BHLHE41: variants seen among roughly 807,000 people sequenced by gnomAD.
BHLHE41 encodes the protein class E basic helix-loop-helix protein 41.
A neutral mutation model predicts 24.0 loss-of-function variants in BHLHE41; 14 were observed. The ratio of observed to expected loss-of-function variants is 0.58; its 90% CI spans 0.39 to 0.91. The LOEUF is 0.91. Ranked by LOEUF, BHLHE41 falls within the 40% of genes least tolerant of loss-of-function variation. The probability of loss-of-function intolerance (pLI) is 0.00; values close to 1 mark genes in which losing one functional copy is unlikely to be tolerated. For synonymous variants in BHLHE41, 394 were observed against 315.5 expected (o/e 1.25, Z -2.64); for missense variants, 674 against 655.4 (o/e 1.03, Z -0.31).
rs1295034741 is a variant in BHLHE41, at chr12:26,122,174, C to T, written c.1341G>A (p.Gln447=). Residue 447 remains glutamine, a synonymous_variant, in exon 5 of 5, where the codon CAG becomes CAA. Coordinates refer to ENST00000242728, the MANE Select transcript of BHLHE41 (RefSeq NM_030762.3). ...GCAGGTGGGTGCGGCCGTGCGGGTG[C>T]TGGGGGTGCGGCGCCCCAAGGGGCG... ...EVAPLGAPHP[Q]HPHGRTHLPF... The T allele has an allele frequency of 9.3e-6, 14 of 1,507,466 alleles. No individual in the cohort carries two copies. Among genetic ancestry groups the T allele is most frequent in the South Asian group, 3.8e-5 (3 of 78,416 alleles). The allele number at this position is 1,507,466 out of a possible 1,614,324, so 93.4% of individuals were successfully genotyped here.
chr12:26,124,460 C>G (rs544091746), intron 2 of BHLHE41, 59 bp downstream of exon 2: 1 of 1,543,118 alleles, frequency 6.5e-7, no homozygotes, highest in Admixed American at 1.7e-5. Context: ...ACTGTGAAAT[C>G]AATGGCTCTA....
chr12:26,124,939 C>T lies in BHLHE41; in HGVS notation c.-160G>A. 1.3e-6 allele frequency: 1 copy of T among 758,056 alleles called. No homozygotes were observed. Among genetic ancestry groups the T allele is most frequent in the Non-Finnish European group, 2.3e-6 (1 of 433,440 alleles). 47.0% of individuals were successfully genotyped at this position (758,056 alleles called of 1,614,324 possible). ...TGTTGAAAGTGTGAAGCAGTTGGTC[C>T]CCCCCCTCCACCGCGCTCGCACACA... On this transcript the variant is annotated 5_prime_UTR_variant, in exon 1 of 5. Coordinates refer to ENST00000242728, the MANE Select transcript of BHLHE41 (RefSeq NM_030762.3).
chr12:26,124,267 C>T (rs1944342652), intron 2 of BHLHE41, 88 bp from the exon 3 acceptor site: 2 of 641,632 alleles, frequency 3.1e-6, no homozygotes, highest in Non-Finnish European at 2.6e-6. Flanking sequence ...CCCCCGCCCC[C>T]CCACCATAAA....
Position 26,122,611 on chromosome 12 carries a change from CTGCCGCCGCCGCCGCGCCGCCCCCCG to C in BHLHE41, c.878_903del (p.Pro293ArgfsTer198). ...GCAGGGTCGGGCCCCAGAAGCGCGG[CTGCCGCCGCCGCCGCGCCGCCCCCCG>C]GGCCGCCGCCGCTGCCGCCGCCGCG... On this transcript the variant is annotated frameshift_variant, in exon 5 of 5. Coordinates refer to ENST00000242728, the MANE Select transcript of BHLHE41 (RefSeq NM_030762.3). LOFTEE classifies it low-confidence loss of function (END_TRUNC). The C allele has an allele frequency of 1.8e-6, 2 of 1,136,964 alleles. No individual in the cohort carries two copies. The highest frequency in any genetic ancestry group is 2.1e-6 in the Non-Finnish European group (2 of 932,458). The allele number at this position is 1,136,964 out of a possible 1,614,324, so 70.4% of individuals were successfully genotyped here.
Position 26,122,731 on chromosome 12 carries a change from G to T in BHLHE41, c.784C>A (p.Arg262Ser). ...REKGKGAGAS[R>S]VTIKQEPPGE... ...GGAGGCTCCTGCTTGATGGTGACGC[G>T]GCTCGCCCCCGCGCCTTTGCCTTTC... Residue 262 changes from arginine (R) to serine (S), a missense_variant, in exon 5 of 5, where the codon CGC (arginine) becomes AGC (serine). Arg to Ser is a moderately radical substitution (Grantham distance 110, BLOSUM62 -1). This residue lies in a region of BHLHE41 where 602 missense variants were observed against 570.8 expected (regional missense o/e 1.05). Transcript: ENST00000242728. The T allele has an allele frequency of 1.3e-6, 2 of 1,591,298 alleles. No homozygotes were observed. The highest frequency in any genetic ancestry group is 2.3e-5 in the East Asian group (1 of 42,580).
In BHLHE41 at chr12:26,121,921, T is replaced by G; in HGVS notation, c.*145A>C. 1 of 1,530,430 alleles carries G rather than the reference T, an allele frequency of 6.5e-7. No individual in the cohort carries two copies. The highest frequency in any genetic ancestry group is 8.8e-7 in the Non-Finnish European group (1 of 1,138,410). 94.8% of individuals were successfully genotyped at this position (1,530,430 alleles called of 1,614,324 possible). A position where few individuals can be genotyped will look rare whatever the true frequency, so the allele number is the denominator to read the frequency against. ...GTACACATAACACCTGTTTTGTTGTTCTTGTTTATGCCTGTCGTGCATCTA... is the reference window on the plus strand; with the variant it reads ...GTACACATAACACCTGTTTTGTTGTGCTTGTTTATGCCTGTCGTGCATCTA... On this transcript the variant is annotated 3_prime_UTR_variant, in exon 5 of 5. Coordinates refer to ENST00000242728, the MANE Select transcript of BHLHE41 (RefSeq NM_030762.3).
rs1240022976 is a variant in BHLHE41, at chr12:26,122,899, G to T, written c.616C>A (p.Arg206Ser). 2 of 1,548,358 alleles carry T rather than the reference G, an allele frequency of 1.3e-6. No homozygotes were observed. The highest frequency in any genetic ancestry group is 2.0e-5 in the Admixed American group (1 of 50,928). The change falls in exon 5 of 5, where the codon CGC becomes AGC. Residue 206 changes from arginine to serine, a missense_variant. Physicochemically the swap from Arg to Ser is moderately radical, Grantham distance 110. Around this residue, in one of 3 missense-constraint regions of BHLHE41, gnomAD observed 602 missense variants for 570.8 expected, o/e 1.05. Transcript: ENST00000242728. ...AGGGGCTCCAGCTTCTGCCCCGCGC[G>T]CTCCAGGCAGGGGGCGGCCGCGGAC... Reference protein sequence around the residue: ...AGSAAAPCLERAGQKLEPLAY... With the variant: ...AGSAAAPCLESAGQKLEPLAY...
chr12:26,122,330 C>T lies in BHLHE41; in HGVS notation c.1185G>A (p.Pro395=). ...FPLLYPGIPA[P]AAAAAAAAAA... is the part of the protein sequence containing the mutation. ...CGGCGGCGGCTGCCGCGGCTGCCGC[C>T]GGGGCGGGGATGCCGGGGTATAGCA... The change falls in exon 5 of 5, where the codon CCG becomes CCA. Residue 395 remains proline (P), a synonymous_variant. Coordinates refer to ENST00000242728, the MANE Select transcript of BHLHE41 (RefSeq NM_030762.3). The T allele has an allele frequency of 8.5e-7, 1 of 1,171,680 alleles. No homozygotes were observed. The allele number at this position is 1,171,680 out of a possible 1,614,324, so 72.6% of individuals were successfully genotyped here. A position where few individuals can be genotyped will look rare whatever the true frequency, so the allele number is the denominator to read the frequency against.
rs1372877299 is a variant in BHLHE41, at chr12:26,121,090, A to G, written c.*976T>C. On this transcript the variant is annotated 3_prime_UTR_variant, in exon 5 of 5. Coordinates refer to ENST00000242728, the MANE Select transcript of BHLHE41 (RefSeq NM_030762.3). ...TTTGTTTTGTTTTGAAGTTCAGTGC[A>G]CTTTTTTTTACAGTAAGATTACAAA... is the stretch of plus-strand genomic sequence containing the variant. The G allele has an allele frequency of 1.3e-5, 2 of 152,260 alleles. No individual in the cohort carries two copies. Among genetic ancestry groups the G allele is most frequent in the Admixed American group, 6.5e-5 (1 of 15,276 alleles). The allele number at this position is 152,260 out of a possible 1,614,324, so 9.4% of individuals were successfully genotyped here.
Position 26,122,837 on chromosome 12 carries a change from G to A in BHLHE41, c.678C>T (p.Pro226=), listed in dbSNP as rs1024863419. ...YCVPVIQRTQ[P]SAELAAENDT... ...CGTTCTCGGCGGCGAGCTCGGCGCT[G>A]GGCTGAGTCCGCTGGATGACGGGCA... The change falls in exon 5 of 5, where the codon CCC becomes CCT. Residue 226 remains proline, a synonymous_variant. Coordinates refer to ENST00000242728, the MANE Select transcript of BHLHE41 (RefSeq NM_030762.3). The A allele has an allele frequency of 3.8e-6, 6 of 1,580,518 alleles. No homozygotes were observed. The African/African-American group carries it at 5.4e-5, about 14-fold the overall frequency.
intron 3 of BHLHE41, 46 bp downstream of exon 3, chr12:26,124,026 T>C: frequency 7.7e-7 from 1 of 1,292,704 alleles, no homozygotes; most frequent in African/African-American, 1.5e-5. Flanking sequence ...ACCAGACTAT[T>C]AACACGCCCT....
At position 26,122,361 on chromosome 12, in the gene BHLHE41, A is replaced by G; in HGVS notation, c.1154T>C (p.Phe385Ser). ...YLYPAAAAAP[F>S]PLLYPGIPAP... ...GGGGATGCCGGGGTATAGCAGCGGG[A>G]ACGGGGCGGCAGCCGCCGCCGGGTA... Residue 385 changes from phenylalanine to serine, a missense_variant, in exon 5 of 5, where the codon TTC (phenylalanine) becomes TCC (serine). Transcript: ENST00000242728. 1.7e-6 allele frequency: 2 copies of G among 1,161,080 alleles called. No homozygotes were observed. The highest frequency in any genetic ancestry group is 2.1e-6 in the Non-Finnish European group (2 of 944,870). The allele number at this position is 1,161,080 out of a possible 1,614,324, so 71.9% of individuals were successfully genotyped here. A position where few individuals can be genotyped will look rare whatever the true frequency, so the allele number is the denominator to read the frequency against.
At position 26,122,573 on chromosome 12, in the gene BHLHE41, C is replaced by G. The variant is rs1229942010; in HGVS notation, c.942G>C (p.Ala314=). Residue 314 remains alanine, a synonymous_variant, in exon 5 of 5, where the codon GCG becomes GCC. Coordinates refer to ENST00000242728, the MANE Select transcript of BHLHE41 (RefSeq NM_030762.3). ...GCAGGGCGGCGTCGGGTCTCAGCAG[C>G]GCGGCCGCGGCGGCAGGGTCGGGCC... ...LLGPDPAAAA[A]LLRPDAALLS... is the part of the protein sequence containing the mutation. 2.7e-6 allele frequency: 3 copies of G among 1,105,500 alleles called. No homozygotes were observed. The highest frequency in any genetic ancestry group is 5.0e-5 in the Admixed American group (1 of 19,880). The allele number at this position is 1,105,500 out of a possible 1,614,324, so 68.5% of individuals were successfully genotyped here.
chr12:26,121,810 T>A lies in BHLHE41; in HGVS notation c.*256A>T, dbSNP rs1944307638. 1 of 815,022 alleles carries A rather than the reference T, an allele frequency of 1.2e-6. No individual in the cohort carries two copies. Among genetic ancestry groups the A allele is most frequent in the African/African-American group, 1.8e-5 (1 of 54,088 alleles). 50.5% of individuals were successfully genotyped at this position (815,022 alleles called of 1,614,324 possible). A position where few individuals can be genotyped will look rare whatever the true frequency, so the allele number is the denominator to read the frequency against. On this transcript the variant is annotated 3_prime_UTR_variant, in exon 5 of 5. Transcript: ENST00000242728. The stretch of plus-strand genomic sequence containing the variant: ...AAGAGCCAGTGTCTTTCGCATAGGA[T>A]CTTTTACAGCTGGTGGGGGGAAGAA...
chr12:26,123,528 C>G, intron 4 of BHLHE41, 102 bp downstream of exon 4: 1 of 862,238 alleles, frequency 1.2e-6, no homozygotes, highest in African/African-American at 1.6e-5. Flanking sequence ...AACCCATGAG[C>G]CCACGGAAAG....
Position 26,124,970 on chromosome 12 carries a change from G to C in BHLHE41, c.-191C>G, listed in dbSNP as rs1160472597. ...CTCCACCGCGCTCGCACACACACAC[G>C]CACACACACGCACACTCGCGCCGGC... On this transcript the variant is annotated 5_prime_UTR_variant, in exon 1 of 5. Coordinates refer to ENST00000242728, the MANE Select transcript of BHLHE41 (RefSeq NM_030762.3). The C allele has an allele frequency of 1.4e-5, 9 of 633,984 alleles. No individual in the cohort carries two copies. The Middle Eastern group carries it at 1.7e-3, about 122-fold the overall frequency. 39.3% of individuals were successfully genotyped at this position (633,984 alleles called of 1,614,324 possible).
intron 4 of BHLHE41, among the ~76,000 whole-genome samples, 195 bp from the exon 5 acceptor site, chr12:26,123,363 G>A (rs549703130): frequency 6.6e-6 from 1 of 152,288 alleles, no homozygotes; most frequent in East Asian, 1.9e-4. Context: ...CGGGGAGAGG[G>A]CGCTCTCCTC....
At position 26,122,398 on chromosome 12, in the gene BHLHE41, C is replaced by T. The variant is rs1944317053; in HGVS notation, c.1117G>A (p.Glu373Lys). ...GCCGCCGCCGGGTACAGATACTTCT[C>T]CAGGCCGCTCTTGTCCAGGAAGGGC... Reference protein sequence around the residue: ...VQPFLDKSGLEKYLYPAAAAA... With the variant: ...VQPFLDKSGLKKYLYPAAAAA... Residue 373 changes from glutamate to lysine, a missense_variant, in exon 5 of 5, where the codon GAG becomes AAG. By Grantham distance (56) the Glu-to-Lys change is moderately conservative (BLOSUM62 1). This residue lies in a region of BHLHE41 where 602 missense variants were observed against 570.8 expected (regional missense o/e 1.05). Transcript: ENST00000242728. 8.6e-6 allele frequency: 11 copies of T among 1,275,902 alleles called. No individual in the cohort carries two copies. The highest frequency in any genetic ancestry group is 1.1e-5 in the Non-Finnish European group (11 of 1,002,688). The allele number at this position is 1,275,902 out of a possible 1,614,324, so 79.0% of individuals were successfully genotyped here. A position where few individuals can be genotyped will look rare whatever the true frequency, so the allele number is the denominator to read the frequency against.
In BHLHE41 at chr12:26,122,923, A is replaced by G; in HGVS notation, c.592T>C (p.Ser198Pro). ...KGTGAPSAAG[S>P]AAAPCLERAG... is the part of the protein sequence containing the mutation. ...CGCTCCAGGCAGGGGGCGGCCGCGG[A>G]CCCGGCGGCCGAGGGAGCGCCGGTG... Residue 198 changes from serine to proline, a missense_variant, in exon 5 of 5, where the codon TCC (serine) becomes CCC (proline). Ser to Pro is a moderately conservative substitution (Grantham distance 74). Around this residue, in one of 3 missense-constraint regions of BHLHE41, gnomAD observed 602 missense variants for 570.8 expected, o/e 1.05. Coordinates refer to ENST00000242728, the MANE Select transcript of BHLHE41 (RefSeq NM_030762.3). 1.9e-6 allele frequency: 3 copies of G among 1,550,556 alleles called. No individual in the cohort carries two copies. Among genetic ancestry groups the G allele is most frequent in the Non-Finnish European group, 2.6e-6 (3 of 1,146,688 alleles).
Sources: allele counts gnomAD v4.1 joint callset (sites outside exome capture counted in the v4.1 genomes callset), GRCh38; gene constraint gnomAD v4.1.1; regional missense constraint gnomAD v4.1.1; transcripts MANE v1.5; gene names NCBI Gene and HGNC (gene_info 2026-07-23, HGNC 2026-07-21).